ZDHHC24: variants seen among roughly 807,000 people sequenced by gnomAD.
ZDHHC24 encodes the protein probable palmitoyltransferase ZDHHC24.
ZDHHC24 carries 17 observed loss-of-function variants against 23.2 expected under a neutral mutation model. That is an observed-to-expected ratio of 0.73 (90% CI 0.50 to 1.10). The LOEUF (loss-of-function observed/expected upper bound fraction) is 1.10, where lower values mean the gene tolerates loss of function less well. Among genes scored for constraint, ZDHHC24 ranks in the 50% least tolerant of loss-of-function variants. The pLI is 0.00. For missense variants in ZDHHC24, 366 were observed against 393.0 expected, an observed-to-expected ratio of 0.93 and a Z score of 0.58; for synonymous variants, 186 against 194.5, an observed-to-expected ratio of 0.96 and a Z score of 0.36.
chr11:66,520,887 T>A, downstream of ZDHHC24: 1 of 334,204 alleles, frequency 3.0e-6, no homozygotes, highest in South Asian at 2.5e-5. Context: ...CCCAGCTAAG[T>A]TTTGTACTTT....
chr11:66,539,359 G>A lies in ZDHHC24; in HGVS notation c.*170C>T, dbSNP rs1027422622. 23 of 1,332,168 alleles carry A rather than the reference G, an allele frequency of 1.7e-5. No individual in the cohort carries two copies. Among genetic ancestry groups the A allele is most frequent in the Middle Eastern group, 2.8e-4 (1 of 3,600 alleles). The allele number at this position is 1,332,168 out of a possible 1,614,324, so 82.5% of individuals were successfully genotyped here. On this transcript the variant is annotated 3_prime_UTR_variant, in exon 3 of 3. Transcript: ENST00000310442. ...CTCTGCACTCCTCTGCCTAAGTCAC[G>A]GCCCAAGCCCTGGACACGTAGGAGT...
At chr11:66,525,712 C>T (rs1856459908) in intron 4 of ZDHHC24, among the ~76,000 whole-genome samples, 1 of 152,180 alleles carries the variant, frequency 6.6e-6, no homozygotes, top group Non-Finnish European at 1.5e-5. Context: ...GAGGAGAGAA[C>T]TGACAGAAAA....
At chr11:66,528,415 A>G (rs746316908) in intron 3 of ZDHHC24, among the ~76,000 whole-genome samples, 1 of 152,312 alleles carries the variant, frequency 6.6e-6, no homozygotes, top group Non-Finnish European at 1.5e-5. Flanking sequence ...TTCAAAGAGT[A>G]AACCTAAGAA....
chr11:66,546,017 A>G lies in ZDHHC24; in HGVS notation c.-14T>C. On this transcript the variant is annotated 5_prime_UTR_variant, in exon 1 of 3. Transcript: ENST00000310442. ...GGGCTGCCCCATGGCCTGGACACCC[A>G]GCTGTCGGAGCCGGAGGACTAGGCC... The G allele has an allele frequency of 4.4e-6, 6 of 1,379,254 alleles. No homozygotes were observed. The highest frequency in any genetic ancestry group is 1.7e-5 in the South Asian group (1 of 59,928). The allele number at this position is 1,379,254 out of a possible 1,614,324, so 85.4% of individuals were successfully genotyped here.
At chr11:66,542,393 T>G (rs974749349) in intron 2 of ZDHHC24, 1 of 151,934 alleles carries the variant, frequency 6.6e-6, no homozygotes, top group Non-Finnish European at 1.5e-5. Context: ...GGCAGGAGAA[T>G]GGTGAGAAGG....
chr11:66,539,168 ATCCTGCAGTTTCCAGG>A lies in ZDHHC24; in HGVS notation c.*345_*360del. Reference sequence around the variant, plus strand: ...GCCCCAGCCCCTGAGACCCTCAGGCATCCTGCAGTTTCCAGGCCCTACAGAGGGTCCCAGAAACAGC... The same window carrying A: ...GCCCCAGCCCCTGAGACCCTCAGGCACCCTACAGAGGGTCCCAGAAACAGC... On this transcript the variant is annotated 3_prime_UTR_variant, in exon 3 of 3. Transcript: ENST00000310442. 1 of 967,930 alleles carries A rather than the reference ATCCTGCAGTTTCCAGG, an allele frequency of 1.0e-6. No individual in the cohort carries two copies. The highest frequency in any genetic ancestry group is 1.2e-6 in the Non-Finnish European group (1 of 806,592). The allele number at this position is 967,930 out of a possible 1,614,324, so 60.0% of individuals were successfully genotyped here.
intron 4 of ZDHHC24, among the ~76,000 whole-genome samples, chr11:66,521,904 CAAAAAAAAAAA>C (rs1183524219): frequency 5.5e-5 from 2 of 36,486 alleles, no homozygotes; most frequent in East Asian, 9.2e-4. Flanking sequence ...GACTCCGTCT[CAAAAAAAAAAA>C]AAAAAAAAAA....
chr11:66,534,900 T>A (rs1194563007), downstream of ZDHHC24, among the ~76,000 whole-genome samples: 1 of 151,928 alleles, frequency 6.6e-6, no homozygotes, highest in Non-Finnish European at 1.5e-5. Context: ...TTTCACCGTG[T>A]TAGCCAGAAT....
At chr11:66,539,998 G>A (rs11825201) in intron 2 of ZDHHC24, among the ~76,000 whole-genome samples, 174 bp from the exon 3 acceptor site, 1,927 of 152,288 alleles carry the variant, frequency 0.013, 44 homozygotes, top group African/African-American at 0.044. Flanking sequence ...CTGGGCAGAC[G>A]CAGCCCCCTA....
chr11:66,531,114 G>C, downstream of ZDHHC24: 2 of 1,563,422 alleles, frequency 1.3e-6, no homozygotes, highest in Non-Finnish European at 1.7e-6. Context: ...CGCCAGGTCA[G>C]GGTCAGAGCG....
At chr11:66,526,001 GATT>G (rs1266500084) in intron 4 of ZDHHC24, 1 of 818,572 alleles carries the variant, frequency 1.2e-6, no homozygotes, top group Non-Finnish European at 2.1e-6. Context: ...CAGAGGCAGC[GATT>G]CCCCAGGCCT....
chr11:66,523,328 C>A, intron 4 of ZDHHC24: 2 of 1,334,806 alleles, frequency 1.5e-6, no homozygotes, highest in Admixed American at 1.7e-5. Context: ...TGGAAATAAT[C>A]CCAGGGTCAT....
At position 66,545,366 on chromosome 11, in the gene ZDHHC24, C is replaced by T. The variant is rs1857283156; in HGVS notation, c.281+357G>A. On this transcript the variant is annotated intron_variant, in intron 1 of 2. Coordinates refer to ENST00000310442, the MANE Select transcript of ZDHHC24 (RefSeq NM_207340.3). This position sits in a 1 kb window ranked among gnomAD's most constrained non-coding sequence, Gnocchi z 4.5. ...ACCACCTATTTAATATTGAAACTTG[C>T]AACCCCTTTACCCTGCTCTACTTCT... Among the ~76,000 whole-genome samples, 3 of 152,160 alleles carry T rather than the reference C, an allele frequency of 2.0e-5. No individual in the cohort carries two copies. Among genetic ancestry groups the T allele is most frequent in the Non-Finnish European group, 2.9e-5 (2 of 68,030 alleles).
chr11:66,542,054 A>G (rs528836193), intron 2 of ZDHHC24, among the ~76,000 whole-genome samples: 2 of 152,084 alleles, frequency 1.3e-5, no homozygotes, highest in South Asian at 4.2e-4. Flanking sequence ...ACCAAATACA[A>G]GAAGCTGGGG....
At chr11:66,540,718 A>G (rs1385625588) in intron 2 of ZDHHC24, among the ~76,000 whole-genome samples, 1 of 137,388 alleles carries the variant, frequency 7.3e-6, no homozygotes. Context: ...ACAGAGTGAG[A>G]AAAAAAAAAA....
At chr11:66,522,732 AC>A in intron 4 of ZDHHC24, 10 of 209,794 alleles carry the variant, frequency 4.8e-5, no homozygotes, top group East Asian at 2.5e-4. Flanking sequence ...ATATTGATGA[AC>A]AAGATAAATA....
chr11:66,543,748 T>C lies in ZDHHC24; in HGVS notation c.515A>G (p.His172Arg). ...SALLRAHTPL[H>R]MAALLLLPWL... ...GGGAAGCAGGAGGAGGGCAGCCATG[T>C]GGAGGGGCGTGTGGGCTCGCAGCAG... The change falls in exon 2 of 3, where the codon CAC becomes CGC. Residue 172 changes from histidine to arginine, a missense_variant. Coordinates refer to ENST00000310442, the MANE Select transcript of ZDHHC24 (RefSeq NM_207340.3). The C allele has an allele frequency of 1.9e-6, 3 of 1,604,450 alleles. No individual in the cohort carries two copies. The East Asian group carries it at 6.7e-5, about 36-fold the overall frequency.
chr11:66,529,318 G>T, exon 3 of ZDHHC24: 1 of 1,536,196 alleles, frequency 6.5e-7, no homozygotes, highest in Non-Finnish European at 8.7e-7. Flanking sequence ...GGACCATGAG[G>T]CTGGTTTCCG....
At position 66,543,646 on chromosome 11, in the gene ZDHHC24, C is replaced by T. The variant is rs1194114660; in HGVS notation, c.559+58G>A. 8 of 1,484,798 alleles carry T rather than the reference C, an allele frequency of 5.4e-6. No homozygotes were observed. In the East Asian group the frequency reaches 1.5e-4, roughly 28 times the overall value. 92.0% of individuals were successfully genotyped at this position (1,484,798 alleles called of 1,614,324 possible). ...CCGTCTCCCACCAGAATGGGCTGTACTCCCCAGCCCAATACCAGGGCCCCT... is the reference window on the plus strand; with the variant it reads ...CCGTCTCCCACCAGAATGGGCTGTATTCCCCAGCCCAATACCAGGGCCCCT... On this transcript the variant is annotated intron_variant, in intron 2 of 2. Coordinates refer to ENST00000310442, the MANE Select transcript of ZDHHC24 (RefSeq NM_207340.3).
Sources: allele counts gnomAD v4.1 joint callset (sites outside exome capture counted in the v4.1 genomes callset), GRCh38; gene constraint gnomAD v4.1.1; non-coding constraint Gnocchi (gnomAD v3.1); transcripts MANE v1.5; gene names NCBI Gene and HGNC (gene_info 2026-07-23, HGNC 2026-07-21).